SPOCK3: variants seen among roughly 807,000 people sequenced by gnomAD.
The protein encoded by SPOCK3 is SPARC (osteonectin), cwcv and kazal like domains proteoglycan 3.
SPOCK3 carries 30 observed loss-of-function variants against 56.6 expected under a neutral mutation model. That is an observed-to-expected ratio of 0.53 (90% CI 0.40 to 0.72). SPOCK3 has a LOEUF of 0.72. SPOCK3 is among the 30% of genes least tolerant of loss of function. SPOCK3 has a pLI of 0.00. For synonymous variants in SPOCK3, 196 were observed against 183.3 expected, an observed-to-expected ratio of 1.07 and a Z score of -0.56; for missense variants, 527 against 530.0, an observed-to-expected ratio of 0.99 and a Z score of 0.06.
intron 2 of SPOCK3, among the ~76,000 whole-genome samples, chr4:167,159,961 T>A (rs1034826457): frequency 6.6e-6 from 1 of 152,114 alleles, no homozygotes; most frequent in Non-Finnish European, 1.5e-5. Context: ...ACTGGAAGCA[T>A]TCCCTTTGAA....
chr4:166,949,112 C>A (rs1057457106), intron 4 of SPOCK3, among the ~76,000 whole-genome samples: 2 of 152,164 alleles, frequency 1.3e-5, no homozygotes, highest in African/African-American at 4.8e-5. Flanking sequence ...ATCGCTGATA[C>A]CCTTTCTTCC....
At chr4:167,060,881 C>G (rs1031489750) in intron 3 of SPOCK3, among the ~76,000 whole-genome samples, 1 of 152,026 alleles carries the variant, frequency 6.6e-6, no homozygotes, top group African/African-American at 2.4e-5. Flanking sequence ...ACTTCTTCAT[C>G]TACCTTGCAG....
intron 4 of SPOCK3, among the ~76,000 whole-genome samples, chr4:166,939,673 A>T (rs1270869806): frequency 1.3e-5 from 2 of 152,216 alleles, no homozygotes; most frequent in African/African-American, 2.4e-5. Flanking sequence ...GTAGGAGCTC[A>T]TTAACTGCTA....
At chr4:166,768,773 G>C (rs1738495416) in intron 7 of SPOCK3, among the ~76,000 whole-genome samples, 1 of 152,184 alleles carries the variant, frequency 6.6e-6, no homozygotes, top group Non-Finnish European at 1.5e-5. Context: ...ATAATATCCT[G>C]CAGAGTGTTT....
At chr4:166,848,390 T>C (rs1481358475) in intron 6 of SPOCK3, among the ~76,000 whole-genome samples, 1 of 152,206 alleles carries the variant, frequency 6.6e-6, no homozygotes, top group Non-Finnish European at 1.5e-5. Context: ...GGCCAATCAG[T>C]TGGCTCTAAG....
intron 6 of SPOCK3, among the ~76,000 whole-genome samples, chr4:166,793,786 C>A (rs568169443): frequency 6.6e-6 from 1 of 152,172 alleles, no homozygotes; most frequent in African/African-American, 2.4e-5. Flanking sequence ...GGCAGCATAG[C>A]AACATAAAAA....
At chr4:166,980,337 T>A (rs571529655) in intron 4 of SPOCK3, among the ~76,000 whole-genome samples, 1 of 152,348 alleles carries the variant, frequency 6.6e-6, no homozygotes, top group South Asian at 2.1e-4. Flanking sequence ...CAATAATATC[T>A]TCTTTAATCT....
chr4:167,037,820 G>A (rs1020027204), intron 3 of SPOCK3, among the ~76,000 whole-genome samples: 2 of 152,236 alleles, frequency 1.3e-5, no homozygotes, highest in Admixed American at 1.3e-4. Context: ...GTTTTATCAA[G>A]TATTTTCCTG....
At chr4:166,856,370 T>C (rs1239415508) in intron 6 of SPOCK3, among the ~76,000 whole-genome samples, 1 of 152,296 alleles carries the variant, frequency 6.6e-6, no homozygotes, top group African/African-American at 2.4e-5. Context: ...TGATAAAATA[T>C]TGAGGCTATG....
chr4:167,223,767 T>C (rs1323215908), intron 2 of SPOCK3, among the ~76,000 whole-genome samples: 1 of 152,144 alleles, frequency 6.6e-6, no homozygotes. Flanking sequence ...TTGGGCAATA[T>C]AGCCAGTCCT....
At chr4:167,095,696 C>T (rs185853734) in intron 2 of SPOCK3, among the ~76,000 whole-genome samples, 2 of 151,864 alleles carry the variant, frequency 1.3e-5, no homozygotes, top group East Asian at 3.9e-4. Context: ...AAATTTATAA[C>T]TTAGTCAAAA....
At chr4:167,135,222 C>T (rs1204763895) in intron 2 of SPOCK3, among the ~76,000 whole-genome samples, 1 of 151,728 alleles carries the variant, frequency 6.6e-6, no homozygotes, top group African/African-American at 2.4e-5. Context: ...TGTCATTTAT[C>T]TTCAAAGTCT....
intron 3 of SPOCK3, among the ~76,000 whole-genome samples, chr4:167,056,218 C>A (rs1055222908): frequency 2.0e-5 from 3 of 152,210 alleles, no homozygotes; most frequent in African/African-American, 7.2e-5. Context: ...CTCTAGCAAA[C>A]TCCAACAGAT....
At chr4:167,067,903 A>AT (rs1209685916) in intron 2 of SPOCK3, among the ~76,000 whole-genome samples, 1 of 151,758 alleles carries the variant, frequency 6.6e-6, no homozygotes, top group Admixed American at 6.6e-5. Flanking sequence ...TCAGAATTAC[A>AT]TTTTATTATG....
At chr4:167,213,679 C>T (rs1459289497) in intron 2 of SPOCK3, among the ~76,000 whole-genome samples, 2 of 151,588 alleles carry the variant, frequency 1.3e-5, no homozygotes, top group East Asian at 3.9e-4. Context: ...TCAATTTCAA[C>T]ACCAATTATA....
chr4:167,171,177 G>A (rs1376884109), intron 2 of SPOCK3, among the ~76,000 whole-genome samples: 5 of 152,034 alleles, frequency 3.3e-5, no homozygotes, highest in Non-Finnish European at 7.4e-5. Flanking sequence ...CAATAAATGA[G>A]GAAAGAAGGG....
chr4:166,911,529 GTTTTTGTTTTTGT>G (rs1400973812), intron 5 of SPOCK3, among the ~76,000 whole-genome samples: 7 of 151,918 alleles, frequency 4.6e-5, no homozygotes, highest in Non-Finnish European at 8.8e-5. Flanking sequence ...GTATTAATAT[GTTTTTGTTTTTGT>G]TTTTTGTTTT....
chr4:166,811,767 T>C lies in SPOCK3; in HGVS notation c.590-19478A>G, dbSNP rs185331683. Among the ~76,000 whole-genome samples, 325 of 152,016 alleles carry C rather than the reference T, an allele frequency of 2.1e-3. 5 individuals are homozygous for C. The highest frequency in any genetic ancestry group is 5.0e-3 in the South Asian group (24 of 4,830). ...GTATACTTATTCATAGTGATAAAAT[T>C]ACCTCATTTAATTTTCAAAGCTATA... On this transcript the variant is annotated intron_variant, in intron 6 of 10. Coordinates refer to ENST00000357545, the MANE Select transcript of SPOCK3 (RefSeq NM_001040159.2).
At chr4:166,898,754 C>T (rs542466140) in intron 5 of SPOCK3, among the ~76,000 whole-genome samples, 1 of 152,068 alleles carries the variant, frequency 6.6e-6, no homozygotes, top group African/African-American at 2.4e-5. Flanking sequence ...AGATGGAAAC[C>T]TCTTATCGTT....
Sources: allele counts gnomAD v4.1 joint callset (sites outside exome capture counted in the v4.1 genomes callset), GRCh38; gene constraint gnomAD v4.1.1; transcripts MANE v1.5; gene names NCBI Gene and HGNC (gene_info 2026-07-23, HGNC 2026-07-21).